DISP1: variants seen among roughly 807,000 people sequenced by gnomAD.
DISP1 encodes the protein protein dispatched homolog 1.
In DISP1, 30 loss-of-function variants were observed where a neutral mutation model predicts 37.3. The observed-to-expected ratio is 0.80, with a 90% CI of 0.60 to 1.09. The LOEUF is 1.09. Among genes scored for constraint, DISP1 ranks in the 50% least tolerant of loss-of-function variants. The probability of loss-of-function intolerance (pLI) is 0.00; values close to 1 mark genes in which losing one functional copy is unlikely to be tolerated. For synonymous variants in DISP1, 634 were observed against 690.2 expected, an observed-to-expected ratio of 0.92 and a Z score of 1.28; for missense variants, 1,598 against 1,879.5, an observed-to-expected ratio of 0.85 and a Z score of 2.77.
intron 1 of DISP1, among the ~76,000 whole-genome samples, chr1:222,869,577 A>G (rs1209602219): frequency 6.6e-6 from 1 of 152,182 alleles, no homozygotes; most frequent in Non-Finnish European, 1.5e-5. Context: ...CACTCTGAGG[A>G]GCTAGCAAAG....
intron 1 of DISP1, among the ~76,000 whole-genome samples, chr1:222,875,841 AAAAAAG>A (rs1247479258): frequency 6.6e-6 from 1 of 151,558 alleles, no homozygotes; most frequent in Admixed American, 6.6e-5. Flanking sequence ...AAAAAAAAAA[AAAAAAG>A]AAAGAAAGAA....
rs1572748542 is a variant in DISP1 at position 223,003,430 on chromosome 1, A to T, written c.2033A>T (p.Tyr678Phe). ...TTCAAAAAGCCCCAGCAGCAAATAT[A>T]TGATAACAAAAGCTGCTGGACAGTG... ...TCFKKPQQQI[Y>F]DNKSCWTVAC... Residue 678 changes from tyrosine (Y) to phenylalanine (F), a missense_variant, in exon 9 of 9, where the codon TAT becomes TTT. Transcript: ENST00000675850. This position sits in a 1 kb window ranked among gnomAD's most constrained non-coding sequence, Gnocchi z 4.3. 1 of 1,614,138 alleles carries T rather than the reference A, an allele frequency of 6.2e-7. No homozygotes were observed. The highest frequency in any genetic ancestry group is 2.2e-5 in the East Asian group (1 of 44,890).
Position 222,816,563 on chromosome 1 carries a change from T to C in DISP1, c.-159+1485T>C, listed in dbSNP as rs190330607. 2.6e-3 allele frequency among the ~76,000 whole-genome samples: 394 copies of C among 152,350 alleles called. 3 individuals are homozygous for C. Among genetic ancestry groups the C allele is most frequent in the Non-Finnish European group, 4.3e-3 (292 of 68,038 alleles). On this transcript the variant is annotated intron_variant, in intron 1 of 8. Coordinates refer to ENST00000675850, the MANE Select transcript of DISP1 (RefSeq NM_001377229.1). The stretch of plus-strand genomic sequence containing the variant: ...TTTAGATCTGATTTGGTGGTCTGAC[T>C]TGAACTAATTCAGGAAAACTAGAAC...
chr1:222,994,785 T>G (rs1425658828), intron 7 of DISP1, 100 bp from the exon 8 acceptor site: 3 of 847,580 alleles, frequency 3.5e-6, no homozygotes, highest in Non-Finnish European at 3.9e-6. Context: ...GAATCATCCA[T>G]GTGGTTTCCC....
chr1:223,004,425 C>T lies in DISP1; in HGVS notation c.3028C>T (p.Leu1010Phe). ...GACAACTTGGAACATCATCATAAGCCTTTATGCCATCATTTCAATTGCTGG... is the reference window on the plus strand; with the variant it reads ...GACAACTTGGAACATCATCATAAGCTTTTATGCCATCATTTCAATTGCTGG... ...LLTTWNIIIS[L>F]YAIISIAGTI... Residue 1010 changes from leucine to phenylalanine, a missense_variant, in exon 9 of 9, where the codon CTT becomes TTT. Coordinates refer to ENST00000675850, the MANE Select transcript of DISP1 (RefSeq NM_001377229.1). This position sits in a 1 kb window ranked among gnomAD's most constrained non-coding sequence, Gnocchi z 4.9. 6.2e-7 allele frequency: 1 copy of T among 1,614,212 alleles called. No homozygotes were observed.
Position 222,888,043 on chromosome 1 carries a change from A to T in DISP1, c.-158-40387A>T, listed in dbSNP as rs1035976293. On this transcript the variant is annotated intron_variant, in intron 1 of 8. Transcript: ENST00000675850. ...GTTGACTGTAGAAGTTTCAGTTCAC[A>T]ATTTTGGGTGGATTTTCAAAATTGA... is the stretch of plus-strand genomic sequence containing the variant. Among the ~76,000 whole-genome samples the T allele has an allele frequency of 4.6e-5, 7 of 152,286 alleles. No homozygotes were observed. The South Asian group carries it at 6.2e-4, about 14-fold the overall frequency.
chr1:222,943,858 G>A (rs948226939), intron 3 of DISP1, among the ~76,000 whole-genome samples: 6 of 152,000 alleles, frequency 3.9e-5, no homozygotes, highest in African/African-American at 1.2e-4. Context: ...GACAAACCCC[G>A]TCTCTACTAA....
Position 223,002,854 on chromosome 1 carries a change from G to A in DISP1, c.1457G>A (p.Gly486Glu). 6.2e-7 allele frequency: 1 copy of A among 1,613,840 alleles called. No individual in the cohort carries two copies. Among genetic ancestry groups the A allele is most frequent in the Non-Finnish European group, 8.5e-7 (1 of 1,180,018 alleles). ...TCTGACGGCGTGACTACCATCACCG[G>A]GATTGAGTTTGGTATCAAACACAGT... ...NSSDGVTTIT[G>E]IEFGIKHSLF... Residue 486 changes from glycine to glutamate, a missense_variant, in exon 9 of 9, where the codon GGG becomes GAG. Gly to Glu is a moderately conservative substitution (Grantham distance 98). Transcript: ENST00000675850.
At chr1:222,978,012 T>C (rs1439756836) in intron 3 of DISP1, among the ~76,000 whole-genome samples, 1 of 152,098 alleles carries the variant, frequency 6.6e-6, no homozygotes. Flanking sequence ...GCATGTGTCT[T>C]TATAGCAGCA....
chr1:222,844,043 G>A (rs150589362), intron 1 of DISP1, among the ~76,000 whole-genome samples: 2 of 149,498 alleles, frequency 1.3e-5, no homozygotes, highest in Admixed American at 1.3e-4. Flanking sequence ...AATGTATCCA[G>A]AGTATTCTCC....
At position 222,931,300 on chromosome 1, in the gene DISP1, C is replaced by A. The variant is rs1244128206; in HGVS notation, c.-18+2730C>A. ...ACCTCAGTGATGTTTTTTTTTTTTCCTTTGGGCTGCTAAGTTTTGAGGTTT... is the reference window on the plus strand; with the variant it reads ...ACCTCAGTGATGTTTTTTTTTTTTCATTTGGGCTGCTAAGTTTTGAGGTTT... On this transcript the variant is annotated intron_variant, in intron 2 of 8. Transcript: ENST00000675850. 2.7e-5 allele frequency among the ~76,000 whole-genome samples: 4 copies of A among 148,064 alleles called. No homozygotes were observed. In the South Asian group the frequency reaches 6.3e-4, roughly 23 times the overall value.
At chr1:222,984,415 A>T (rs1390246787) in intron 4 of DISP1, among the ~76,000 whole-genome samples, 900 of 58,298 alleles carry the variant, frequency 0.015, 25 homozygotes, top group East Asian at 0.062. Context: ...AAAAAAAAAA[A>T]AAAAAAATAT....
intron 1 of DISP1, among the ~76,000 whole-genome samples, chr1:222,890,135 A>G (rs1048372698): frequency 1.3e-4 from 20 of 152,300 alleles, no homozygotes; most frequent in African/African-American, 4.6e-4. Flanking sequence ...ATTGCTTTCT[A>G]TATGACCAGC....
At chr1:222,974,826 TAATATG>T (rs1293837968) in intron 3 of DISP1, among the ~76,000 whole-genome samples, 1 of 152,168 alleles carries the variant, frequency 6.6e-6, no homozygotes, top group Non-Finnish European at 1.5e-5. Flanking sequence ...TGGAAATACT[TAATATG>T]AAGAATGGCT....
intron 3 of DISP1, among the ~76,000 whole-genome samples, chr1:222,957,603 A>G (rs1431046652): frequency 1.3e-5 from 2 of 152,168 alleles, no homozygotes; most frequent in East Asian, 3.9e-4. Context: ...AAAAAATAAA[A>G]AATAAAATAA....
intron 1 of DISP1, among the ~76,000 whole-genome samples, chr1:222,905,880 G>T (rs538265236): frequency 1.4e-4 from 20 of 146,072 alleles, no homozygotes; most frequent in Non-Finnish European, 2.3e-4. Context: ...GGTCTTTGAG[G>T]ATTTACTCAA....
chr1:222,894,177 C>T, intron 1 of DISP1, among the ~76,000 whole-genome samples: 1 of 152,168 alleles, frequency 6.6e-6, no homozygotes. Context: ...ACTCCCGGTG[C>T]AGACTTCACC....
At chr1:222,886,163 C>T (rs1435741887) in intron 1 of DISP1, among the ~76,000 whole-genome samples, 1 of 152,190 alleles carries the variant, frequency 6.6e-6, no homozygotes, top group Non-Finnish European at 1.5e-5. Context: ...GGAGCTCATA[C>T]ACAAATTCCT....
At chr1:222,825,601 A>G (rs994060661) in intron 1 of DISP1, among the ~76,000 whole-genome samples, 2 of 150,606 alleles carry the variant, frequency 1.3e-5, no homozygotes, top group Non-Finnish European at 1.5e-5. Flanking sequence ...CCTGGGTTCA[A>G]GTGATTCTCG....
Sources: allele counts gnomAD v4.1 joint callset (sites outside exome capture counted in the v4.1 genomes callset), GRCh38; gene constraint gnomAD v4.1.1; non-coding constraint Gnocchi (gnomAD v3.1); transcripts MANE v1.5; gene names NCBI Gene and HGNC (gene_info 2026-07-23, HGNC 2026-07-21).